The following TAFA4 variants were observed in gnomAD, a reference collection of about 807,000 sequenced individuals.
TAFA4 encodes the protein chemokine-like protein TAFA-4.
In TAFA4, 20 loss-of-function variants were observed where a neutral mutation model predicts 21.1. That is an observed-to-expected ratio of 0.95 (90% CI 0.67 to 1.38). TAFA4 has a LOEUF of 1.38. Ranked by LOEUF, TAFA4 falls within the 40% of genes most tolerant of loss-of-function variation. The pLI, the probability that TAFA4 is intolerant of heterozygous loss-of-function variation, is 0.00. For missense variants in TAFA4, 211 were observed against 180.9 expected (o/e 1.17, Z -0.95); for synonymous variants, 71 against 67.4 (o/e 1.05, Z -0.26).
intron 5 of TAFA4, among the ~76,000 whole-genome samples, chr3:68,733,472 G>A (rs1245538894): frequency 2.0e-5 from 3 of 152,138 alleles, no homozygotes; most frequent in African/African-American, 7.2e-5. Context: ...CTTTGTTAAT[G>A]GCACTAGAAT....
chr3:68,831,615 AT>A (rs1211804798), intron 3 of TAFA4, among the ~76,000 whole-genome samples: 4 of 151,650 alleles, frequency 2.6e-5, no homozygotes, highest in South Asian at 2.1e-4. Flanking sequence ...TGCCCTTAAC[AT>A]TTTTTCCTTC....
chr3:68,735,070 C>G (rs1008334758), intron 5 of TAFA4, among the ~76,000 whole-genome samples: 1 of 152,112 alleles, frequency 6.6e-6, no homozygotes, highest in Non-Finnish European at 1.5e-5. Flanking sequence ...AATATTAGCT[C>G]TATTCCCATT....
intron 1 of TAFA4, among the ~76,000 whole-genome samples, chr3:68,916,976 T>C (rs1338622349): frequency 6.6e-6 from 1 of 152,180 alleles, no homozygotes; most frequent in Non-Finnish European, 1.5e-5. Flanking sequence ...CTGTACAGCT[T>C]GTGTCTTACT....
intron 3 of TAFA4, among the ~76,000 whole-genome samples, chr3:68,855,249 G>C (rs1705045418): frequency 6.6e-6 from 1 of 152,146 alleles, no homozygotes; most frequent in Admixed American, 6.5e-5. Context: ...TCTATGCAAA[G>C]TGGTTAAAAT....
At chr3:68,755,121 A>G (rs1486672111) in intron 3 of TAFA4, among the ~76,000 whole-genome samples, 2 of 152,162 alleles carry the variant, frequency 1.3e-5, no homozygotes, top group Non-Finnish European at 2.9e-5. Context: ...TCCGATTCCA[A>G]TCTAGCACCA....
intron 1 of TAFA4, among the ~76,000 whole-genome samples, chr3:68,888,100 A>G (rs1360015658): frequency 6.6e-6 from 1 of 152,048 alleles, no homozygotes; most frequent in African/African-American, 2.4e-5. Flanking sequence ...AGCACCTTGA[A>G]CACTCTCCTG....
chr3:68,861,984 C>T (rs2089351482), intron 3 of TAFA4, among the ~76,000 whole-genome samples: 1 of 152,094 alleles, frequency 6.6e-6, no homozygotes, highest in Admixed American at 6.6e-5. Context: ...TATTATGCAA[C>T]TTGTTCCACA....
At chr3:68,855,917 T>C (rs1241061788) in intron 3 of TAFA4, among the ~76,000 whole-genome samples, 1 of 152,124 alleles carries the variant, frequency 6.6e-6, no homozygotes, top group African/African-American at 2.4e-5. Context: ...TGTACCTGTT[T>C]TCCTTTGCCC....
At chr3:68,819,988 A>C (rs1425091540) in intron 3 of TAFA4, among the ~76,000 whole-genome samples, 1 of 152,222 alleles carries the variant, frequency 6.6e-6, no homozygotes, top group Non-Finnish European at 1.5e-5. Context: ...GTACTCCCAC[A>C]TTCATTGCAG....
intron 1 of TAFA4, among the ~76,000 whole-genome samples, chr3:68,888,812 G>A (rs565089899): frequency 1.3e-5 from 2 of 151,776 alleles, no homozygotes; most frequent in South Asian, 4.2e-4. Flanking sequence ...TCGAGATAAT[G>A]ACATTAATCC....
At chr3:68,912,327 T>C (rs776192953) in intron 1 of TAFA4, among the ~76,000 whole-genome samples, 4 of 152,092 alleles carry the variant, frequency 2.6e-5, no homozygotes, top group Non-Finnish European at 4.4e-5. Context: ...AAAAGAAAGA[T>C]TGGGGAGAAG....
chr3:68,908,025 C>T lies in TAFA4; in HGVS notation c.-122-22715G>A, dbSNP rs1018835214. Among the ~76,000 whole-genome samples the T allele has an allele frequency of 2.6e-5, 4 of 152,262 alleles. No homozygotes were observed. In the South Asian group the frequency reaches 8.3e-4, roughly 32 times the overall value. ...TTCCATTTTTTCATACTCACTGAAG[C>T]TGGTGATCAAGAGATTACTATGGTT... On this transcript the variant is annotated intron_variant, in intron 1 of 5. Coordinates refer to ENST00000295569, the MANE Select transcript of TAFA4 (RefSeq NM_182522.5).
At chr3:68,751,404 C>G (rs192755893) in intron 4 of TAFA4, among the ~76,000 whole-genome samples, 53 of 152,150 alleles carry the variant, frequency 3.5e-4, no homozygotes, top group African/African-American at 1.2e-3. Context: ...AGACTGTGGA[C>G]GTAGCAGTGG....
At chr3:68,921,259 C>A (rs117497236) in intron 1 of TAFA4, among the ~76,000 whole-genome samples, 4 of 152,042 alleles carry the variant, frequency 2.6e-5, no homozygotes, top group African/African-American at 4.8e-5. Flanking sequence ...CCAGTCCATC[C>A]GCTCTGCTTG....
intron 3 of TAFA4, among the ~76,000 whole-genome samples, chr3:68,808,652 T>A (rs1703757647): frequency 6.6e-6 from 1 of 152,200 alleles, no homozygotes; most frequent in South Asian, 2.1e-4. Context: ...TCCTTTATGG[T>A]TCAGTTCAAT....
intron 1 of TAFA4, among the ~76,000 whole-genome samples, chr3:68,906,010 T>G (rs1280596375): frequency 1.3e-5 from 2 of 152,112 alleles, no homozygotes; most frequent in African/African-American, 4.8e-5. Context: ...CCCAGGGCAT[T>G]TGGGAAAGGT....
At chr3:68,838,376 T>C (rs1381067999) in intron 3 of TAFA4, among the ~76,000 whole-genome samples, 1 of 152,228 alleles carries the variant, frequency 6.6e-6, no homozygotes, top group Non-Finnish European at 1.5e-5. Flanking sequence ...CATTTCCTTA[T>C]TCAAGAAATT....
At chr3:68,814,153 G>T (rs543058927) in intron 3 of TAFA4, among the ~76,000 whole-genome samples, 1 of 152,168 alleles carries the variant, frequency 6.6e-6, no homozygotes, top group Non-Finnish European at 1.5e-5. Flanking sequence ...ATTAGGTATT[G>T]ATGGGATGTA....
chr3:68,874,001 C>A (rs1204113892), intron 3 of TAFA4, among the ~76,000 whole-genome samples: 2 of 152,106 alleles, frequency 1.3e-5, no homozygotes, highest in African/African-American at 4.8e-5. Context: ...TCTTTCATTT[C>A]ATGCCTATAT....
Sources: gnomAD v4.1 joint callset for allele counts (sites outside exome capture counted in the v4.1 genomes callset) on GRCh38, gnomAD v4.1.1 for gene constraint, MANE v1.5 for transcripts, NCBI Gene and HGNC (gene_info 2026-07-23, HGNC 2026-07-21) for gene names.